Variants in VPS13B observed in about 807,000 individuals in gnomAD.
VPS13B encodes vacuolar protein sorting 13 homolog B.
A neutral mutation model predicts 426.4 loss-of-function variants in VPS13B; 285 were observed. The observed-to-expected ratio is 0.67, with a 90% confidence interval of 0.61 to 0.74. VPS13B has a LOEUF of 0.74. VPS13B is among the 30% of genes least tolerant of loss of function. The pLI, the probability that VPS13B is intolerant of heterozygous loss-of-function variation, is 0.00. For missense variants in VPS13B, 4,537 were observed against 4,782.6 expected, an observed-to-expected ratio of 0.95 and a Z score of 1.51; for synonymous variants, 1,676 against 1,676.4, an observed-to-expected ratio of 1.00 and a Z score of 0.01.
intron 35 of VPS13B, among the ~76,000 whole-genome samples, chr8:99,670,668 C>T (rs1830678177): frequency 6.6e-6 from 1 of 152,092 alleles, no homozygotes; most frequent in Non-Finnish European, 1.5e-5. Flanking sequence ...TGGCAACAAA[C>T]ATTCTAATGT....
intron 23 of VPS13B, among the ~76,000 whole-genome samples, chr8:99,443,859 A>G (rs1817790244): frequency 6.6e-6 from 1 of 152,168 alleles, no homozygotes; most frequent in South Asian, 2.1e-4. Context: ...TGTGTCGTAT[A>G]GTAACTATGT....
chr8:99,450,511 A>G (rs977290183), intron 23 of VPS13B, among the ~76,000 whole-genome samples: 9 of 152,110 alleles, frequency 5.9e-5, no homozygotes, highest in Admixed American at 1.3e-4. Context: ...TTAGGAGATC[A>G]AGACCATCCT....
intron 28 of VPS13B, among the ~76,000 whole-genome samples, chr8:99,510,810 A>C (rs1405610955): frequency 6.6e-6 from 1 of 152,074 alleles, no homozygotes; most frequent in Non-Finnish European, 1.5e-5. Context: ...CCCCAGCCTC[A>C]AATTCTTAAT....
chr8:99,475,609 T>C (rs1037595899), intron 24 of VPS13B, among the ~76,000 whole-genome samples: 5 of 152,248 alleles, frequency 3.3e-5, no homozygotes, highest in African/African-American at 9.6e-5. Flanking sequence ...CTTGGTATAT[T>C]CTCTAGCTAT....
At chr8:99,641,015 A>G (rs1406556317) in intron 33 of VPS13B, among the ~76,000 whole-genome samples, 1 of 152,206 alleles carries the variant, frequency 6.6e-6, no homozygotes, top group Non-Finnish European at 1.5e-5. Flanking sequence ...TAGGCAGTCT[A>G]AGAAAGAGGA....
intron 17 of VPS13B, among the ~76,000 whole-genome samples, chr8:99,259,208 T>A (rs1208992722): frequency 6.6e-6 from 1 of 152,106 alleles, no homozygotes; most frequent in African/African-American, 2.4e-5. Flanking sequence ...TTTAATTTCT[T>A]TGCATATCCT....
intron 17 of VPS13B, among the ~76,000 whole-genome samples, chr8:99,211,837 A>G (rs1295197769): frequency 6.6e-6 from 1 of 152,160 alleles, no homozygotes; most frequent in African/African-American, 2.4e-5. Flanking sequence ...TAGTACCACG[A>G]GTTTCTTTTG....
At chr8:99,522,313 G>A (rs1822412842) in intron 30 of VPS13B, among the ~76,000 whole-genome samples, 1 of 152,046 alleles carries the variant, frequency 6.6e-6, no homozygotes, top group Admixed American at 6.5e-5. Flanking sequence ...CTTTACTTTT[G>A]GTGAAAGAAA....
intron 3 of VPS13B, among the ~76,000 whole-genome samples, chr8:99,059,019 C>G (rs1404746705): frequency 2.0e-5 from 3 of 152,200 alleles, no homozygotes; most frequent in Non-Finnish European, 4.4e-5. Flanking sequence ...TATTTCCTTT[C>G]TTTGAAGGAA....
chr8:99,202,708 T>C (rs1407745885), intron 17 of VPS13B, among the ~76,000 whole-genome samples: 1 of 152,130 alleles, frequency 6.6e-6, no homozygotes, highest in South Asian at 2.1e-4. Context: ...GAGGCCAGCA[T>C]CATCCTGATA....
chr8:99,472,469 A>G (rs1248953222), intron 24 of VPS13B, among the ~76,000 whole-genome samples: 1 of 151,904 alleles, frequency 6.6e-6, no homozygotes, highest in Non-Finnish European at 1.5e-5. Flanking sequence ...TTATGGAACA[A>G]AGACATAATT....
intron 25 of VPS13B, among the ~76,000 whole-genome samples, chr8:99,496,512 G>A (rs900791794): frequency 3.9e-5 from 6 of 152,044 alleles, no homozygotes; most frequent in Admixed American, 2.0e-4. Flanking sequence ...TTACCCAGGC[G>A]TGGTGGCAGG....
At chr8:99,189,646 A>T (rs751807531) in intron 16 of VPS13B, among the ~76,000 whole-genome samples, 4 of 152,076 alleles carry the variant, frequency 2.6e-5, no homozygotes, top group Non-Finnish European at 4.4e-5. Context: ...TGTTACTGAT[A>T]TCAGTGTCCT....
At chr8:99,485,015 G>T (rs2133564447) in intron 25 of VPS13B, among the ~76,000 whole-genome samples, 1 of 152,230 alleles carries the variant, frequency 6.6e-6, no homozygotes, top group South Asian at 2.1e-4. Context: ...AATTTAGTGA[G>T]TCTTCATTTT....
intron 23 of VPS13B, among the ~76,000 whole-genome samples, chr8:99,458,592 CT>C (rs1448131795): frequency 6.6e-6 from 1 of 152,140 alleles, no homozygotes; most frequent in Non-Finnish European, 1.5e-5. Flanking sequence ...TGTTTCCTGA[CT>C]TTTTAATGAT....
rs1056017498 is a variant in VPS13B at position 99,538,502 on chromosome 8, G to A, written c.4745+17492G>A. On this transcript the variant is annotated intron_variant, in intron 30 of 61. Coordinates refer to ENST00000357162, the MANE Select transcript of VPS13B (RefSeq NM_152564.5). ...TAAAGGAATATATGCTCTGTTTTGG[G>A]ATATGTGTGTTTATCTGTGTCTGAG... Among the ~76,000 whole-genome samples the A allele has an allele frequency of 2.6e-5, 4 of 151,840 alleles. No individual in the cohort carries two copies. In the East Asian group the frequency reaches 5.8e-4, roughly 22 times the overall value.
intron 39 of VPS13B, among the ~76,000 whole-genome samples, chr8:99,746,056 G>A (rs1355406790): frequency 6.6e-6 from 1 of 151,884 alleles, no homozygotes; most frequent in African/African-American, 2.4e-5. Context: ...TCCCCCTTAT[G>A]CCGTTTACTT....
chr8:99,805,485 A>G (rs915812079), intron 43 of VPS13B, among the ~76,000 whole-genome samples: 1 of 152,038 alleles, frequency 6.6e-6, no homozygotes, highest in Non-Finnish European at 1.5e-5. Context: ...TTTCCTCTTA[A>G]ATATATCAAT....
intron 8 of VPS13B, among the ~76,000 whole-genome samples, chr8:99,125,819 A>G (rs915591664): frequency 2.0e-5 from 3 of 152,200 alleles, no homozygotes; most frequent in Non-Finnish European, 4.4e-5. Flanking sequence ...TAAAAATGCA[A>G]ATGGTAGTTG....
Sources: gnomAD v4.1 joint callset for allele counts (sites outside exome capture counted in the v4.1 genomes callset) on GRCh38, gnomAD v4.1.1 for gene constraint, MANE v1.5 for transcripts, NCBI Gene and HGNC (gene_info 2026-07-23, HGNC 2026-07-21) for gene names.